PXDNL: variants seen among roughly 807,000 people sequenced by gnomAD.
PXDNL encodes the protein probable oxidoreductase PXDNL.
A neutral mutation model predicts 150.8 loss-of-function variants in PXDNL; 145 were observed. The observed-to-expected ratio is 0.96, with a 90% CI of 0.84 to 1.10. The LOEUF (loss-of-function observed/expected upper bound fraction) is 1.10. PXDNL is among the 50% of genes least tolerant of loss of function. The pLI is 0.00. For synonymous variants in PXDNL, 757 were observed against 725.7 expected, an observed-to-expected ratio of 1.04 and a Z score of -0.69; for missense variants, 2,087 against 1,873.9, an observed-to-expected ratio of 1.11 and a Z score of -2.10.
intron 2 of PXDNL, among the ~76,000 whole-genome samples, chr8:51,627,031 G>A (rs1814376590): frequency 1.3e-5 from 2 of 152,186 alleles, no homozygotes; most frequent in Non-Finnish European, 2.9e-5. Flanking sequence ...CATTTAATAA[G>A]TTTTTTTAAC....
chr8:51,466,574 C>T (rs913829527), intron 8 of PXDNL, among the ~76,000 whole-genome samples: 7 of 152,098 alleles, frequency 4.6e-5, no homozygotes, highest in African/African-American at 1.7e-4. Context: ...AGCTTCTGCA[C>T]AGCAAGATAA....
intron 1 of PXDNL, among the ~76,000 whole-genome samples, chr8:51,727,794 C>T (rs1258409421): frequency 6.6e-6 from 1 of 152,200 alleles, no homozygotes; most frequent in Non-Finnish European, 1.5e-5. Context: ...AATGTCTTAA[C>T]TTTGCTTCCA....
At position 51,611,114 on chromosome 8, in the gene PXDNL, T is replaced by C. The variant is rs555941871; in HGVS notation, c.237-18416A>G. On this transcript the variant is annotated intron_variant, in intron 2 of 22. Coordinates refer to ENST00000356297, the MANE Select transcript of PXDNL (RefSeq NM_144651.5). The stretch of plus-strand genomic sequence containing the variant: ...TTGGAATTTCTCCTATCACCTTGAG[T>C]TTGGGATTAGTAATTGAGGCAGATT... Among the ~76,000 whole-genome samples, 10 of 152,190 alleles carry C rather than the reference T, an allele frequency of 6.6e-5. 1 individual carries two copies. In the East Asian group the frequency reaches 1.7e-3, roughly 26 times the overall value.
intron 17 of PXDNL, among the ~76,000 whole-genome samples, chr8:51,376,403 C>T (rs1029043361): frequency 1.3e-4 from 20 of 152,182 alleles, no homozygotes; most frequent in Non-Finnish European, 2.6e-4. Flanking sequence ...TTTTAGATTT[C>T]CAAGTGCCTG....
At chr8:51,452,716 G>T (rs1197191931) in intron 10 of PXDNL, among the ~76,000 whole-genome samples, 1 of 152,088 alleles carries the variant, frequency 6.6e-6, no homozygotes, top group Non-Finnish European at 1.5e-5. Flanking sequence ...TTAAAATAAT[G>T]AAACTTAACT....
intron 17 of PXDNL, among the ~76,000 whole-genome samples, chr8:51,400,111 G>GC (rs543930379): frequency 6.1e-4 from 93 of 152,296 alleles, no homozygotes; most frequent in African/African-American, 2.1e-3. Context: ...CTTGGGATCA[G>GC]CAATGTTTCA....
intron 4 of PXDNL, among the ~76,000 whole-genome samples, chr8:51,528,345 G>A (rs11775480): frequency 0.16 from 23,691 of 152,106 alleles, 2,362 homozygotes; most frequent in African/African-American, 0.28. Flanking sequence ...TTAAAAATGC[G>A]CAGATGCCCA....
intron 3 of PXDNL, among the ~76,000 whole-genome samples, chr8:51,568,497 G>C (rs1409042807): frequency 6.6e-6 from 1 of 151,748 alleles, no homozygotes. Flanking sequence ...TCCTATACAG[G>C]TAAGGTGTTT....
chr8:51,660,065 C>A (rs979380309), intron 1 of PXDNL, among the ~76,000 whole-genome samples: 1 of 151,748 alleles, frequency 6.6e-6, no homozygotes, highest in African/African-American at 2.4e-5. Context: ...AATGTTTGTA[C>A]TTTTAGTAGA....
chr8:51,571,255 A>G (rs1247872389), intron 3 of PXDNL, among the ~76,000 whole-genome samples: 1 of 151,888 alleles, frequency 6.6e-6, no homozygotes, highest in Non-Finnish European at 1.5e-5. Context: ...TTCAATCATC[A>G]TTTTTGATTC....
At chr8:51,343,961 A>G (rs1806068567) in intron 20 of PXDNL, among the ~76,000 whole-genome samples, 2 of 152,114 alleles carry the variant, frequency 1.3e-5, no homozygotes, top group South Asian at 4.1e-4. Context: ...CAGGAACACA[A>G]AATATATTTC....
intron 20 of PXDNL, 31 bp downstream of exon 20, chr8:51,345,802 G>A: frequency 1.5e-6 from 2 of 1,342,170 alleles, no homozygotes; most frequent in Non-Finnish European, 2.1e-6. Context: ...ATAGTAAGTT[G>A]CCTAAAGAAA....
intron 19 of PXDNL, among the ~76,000 whole-genome samples, chr8:51,358,164 G>T (rs1295942464): frequency 6.6e-6 from 1 of 152,140 alleles, no homozygotes; most frequent in Non-Finnish European, 1.5e-5. Context: ...CTTAGTATAA[G>T]ATTAAAAATG....
At chr8:51,548,763 C>T (rs1359823331) in intron 4 of PXDNL, among the ~76,000 whole-genome samples, 2 of 151,850 alleles carry the variant, frequency 1.3e-5, no homozygotes, top group Non-Finnish European at 2.9e-5. Flanking sequence ...AAACATAACA[C>T]AGTGGAAAAA....
At chr8:51,779,613 T>C (rs2037390560) in intron 1 of PXDNL, among the ~76,000 whole-genome samples, 1 of 152,180 alleles carries the variant, frequency 6.6e-6, no homozygotes, top group Non-Finnish European at 1.5e-5. Flanking sequence ...CAGGGAGTGC[T>C]GATGGCACGC....
intron 1 of PXDNL, among the ~76,000 whole-genome samples, chr8:51,701,510 C>T (rs1047466702): frequency 3.9e-5 from 6 of 152,170 alleles, no homozygotes; most frequent in Non-Finnish European, 8.8e-5. Context: ...AATTACAGAA[C>T]TGTTCTTCCA....
chr8:51,690,801 T>C (rs1815978136), intron 1 of PXDNL, among the ~76,000 whole-genome samples: 1 of 151,796 alleles, frequency 6.6e-6, no homozygotes, highest in African/African-American at 2.4e-5. Context: ...GTAAAAGTGT[T>C]CCTATTTCTC....
intron 1 of PXDNL, among the ~76,000 whole-genome samples, chr8:51,702,402 G>C (rs1030801508): frequency 2.0e-5 from 3 of 152,198 alleles, no homozygotes; most frequent in Non-Finnish European, 4.4e-5. Flanking sequence ...AAAGGTTTCA[G>C]TAATAAACTC....
intron 17 of PXDNL, among the ~76,000 whole-genome samples, chr8:51,393,920 T>A (rs1266663002): frequency 6.6e-6 from 1 of 152,198 alleles, no homozygotes; most frequent in Non-Finnish European, 1.5e-5. Flanking sequence ...AGACATTAAA[T>A]CTGTCTTTTT....
Sources: gnomAD v4.1 joint callset for allele counts (sites outside exome capture counted in the v4.1 genomes callset) on GRCh38, gnomAD v4.1.1 for gene constraint, MANE v1.5 for transcripts, NCBI Gene and HGNC (gene_info 2026-07-23, HGNC 2026-07-21) for gene names.